The following ADAMTS18 variants were observed in gnomAD, a reference collection of about 807,000 sequenced individuals.
ADAMTS18 encodes the protein ADAM metallopeptidase with thrombospondin type 1 motif 18, also known as A disintegrin and metalloproteinase with thrombospondin motifs 18.
ADAMTS18 carries 157 observed loss-of-function variants against 165.9 expected under a neutral mutation model. The observed-to-expected ratio is 0.95, with a 90% CI of 0.83 to 1.08. The LOEUF is 1.08. Ranked by LOEUF, ADAMTS18 falls within the 50% of genes least tolerant of loss-of-function variation. The probability of loss-of-function intolerance (pLI) is 0.00; values close to 1 mark genes in which losing one functional copy is unlikely to be tolerated. For synonymous variants in ADAMTS18, 782 were observed against 578.2 expected, an observed-to-expected ratio of 1.35 and a Z score of -5.06; for missense variants, 2,040 against 1,534.0, an observed-to-expected ratio of 1.33 and a Z score of -5.51.
At chr16:77,401,674 G>A (rs747563954) in intron 3 of ADAMTS18, among the ~76,000 whole-genome samples, 43 of 152,162 alleles carry the variant, frequency 2.8e-4, no homozygotes, top group Non-Finnish European at 5.4e-4. Context: ...GTCTATGAGG[G>A]CATTTAAGGA....
rs2056529526 is a variant in ADAMTS18 at position 77,349,784 on chromosome 16, T to C, written c.1614+3949A>G. 2.0e-5 allele frequency among the ~76,000 whole-genome samples: 3 copies of C among 152,164 alleles called. No homozygotes were observed. The South Asian group carries it at 6.2e-4, about 32-fold the overall frequency. On this transcript the variant is annotated intron_variant, in intron 10 of 22. Coordinates refer to ENST00000282849, the MANE Select transcript of ADAMTS18 (RefSeq NM_199355.4). Reference sequence around the variant, plus strand: ...CATTTTTCTTGATTGACAGAAGAAATATACACCGATCCTGCTATCCTTCCA... The same window carrying C: ...CATTTTTCTTGATTGACAGAAGAAACATACACCGATCCTGCTATCCTTCCA...
At position 77,320,113 on chromosome 16, in the gene ADAMTS18, C is replaced by T. The variant is rs1483685962; in HGVS notation, c.2288-20G>A. 11 of 1,613,854 alleles carry T rather than the reference C, an allele frequency of 6.8e-6. No homozygotes were observed. Among genetic ancestry groups the T allele is most frequent in the South Asian group, 2.2e-5 (2 of 91,056 alleles). On this transcript the variant is annotated intron_variant, in intron 15 of 22. Coordinates refer to ENST00000282849, the MANE Select transcript of ADAMTS18 (RefSeq NM_199355.4). ...AATATTCTAAATGGAAAGAAGAGAA[C>T]ATGTCTGAATTCCACCCCATGCATT...
At chr16:77,412,400 C>T (rs1008186991) in intron 3 of ADAMTS18, among the ~76,000 whole-genome samples, 14 of 152,188 alleles carry the variant, frequency 9.2e-5, no homozygotes, top group African/African-American at 2.2e-4. Context: ...ATCATACTCA[C>T]GGCAGCCTGC....
chr16:77,350,163 G>C (rs1273730650), intron 10 of ADAMTS18, among the ~76,000 whole-genome samples: 1 of 152,166 alleles, frequency 6.6e-6, no homozygotes, highest in Admixed American at 6.5e-5. Context: ...TTGTTACAGA[G>C]GGAATCCTGC....
At position 77,367,486 on chromosome 16, in the gene ADAMTS18, G is replaced by A. The variant is rs1035773968; in HGVS notation, c.733C>T (p.His245Tyr). The A allele has an allele frequency of 1.2e-6, 2 of 1,614,186 alleles. No individual in the cohort carries two copies. Among genetic ancestry groups the A allele is most frequent in the African/African-American group, 2.7e-5 (2 of 75,058 alleles). Reference protein sequence around the residue: ...ASQSRETEYHHRRLQKQHFCG... With the variant: ...ASQSRETEYHYRRLQKQHFCG... ...AAATGCTGCTTTTGCAACCTTCGAT[G>A]GTGATACTCTGTCTCTCGACTCTGA... The change falls in exon 4 of 23, where the codon CAT becomes TAT. Residue 245 changes from histidine to tyrosine, a missense_variant. By Grantham distance (83) the His-to-Tyr change is moderately conservative (BLOSUM62 2). Transcript: ENST00000282849.
At chr16:77,299,336 G>A (rs919222351) in intron 17 of ADAMTS18, among the ~76,000 whole-genome samples, 1 of 152,092 alleles carries the variant, frequency 6.6e-6, no homozygotes, top group South Asian at 2.1e-4. Context: ...TTTTAAAATG[G>A]GTATTACTAG....
chr16:77,291,956 A>C (rs949823210), intron 20 of ADAMTS18, among the ~76,000 whole-genome samples: 1 of 152,162 alleles, frequency 6.6e-6, no homozygotes, highest in Non-Finnish European at 1.5e-5. Flanking sequence ...AAATATACCC[A>C]ACCTCTCACA....
chr16:77,310,100 A>T (rs2055752668), intron 16 of ADAMTS18, among the ~76,000 whole-genome samples: 1 of 152,230 alleles, frequency 6.6e-6, no homozygotes, highest in South Asian at 2.1e-4. Flanking sequence ...AAATGGGGCA[A>T]GGACAGGCTG....
intron 3 of ADAMTS18, among the ~76,000 whole-genome samples, chr16:77,382,878 C>G (rs967113067): frequency 5.9e-5 from 9 of 152,172 alleles, no homozygotes; most frequent in African/African-American, 9.7e-5. Flanking sequence ...CCTCTTCACA[C>G]GTCAGCATCC....
At chr16:77,414,785 G>C (rs1245690870) in intron 3 of ADAMTS18, among the ~76,000 whole-genome samples, 2 of 152,162 alleles carry the variant, frequency 1.3e-5, no homozygotes, top group Non-Finnish European at 1.5e-5. Context: ...TTGAGCAATG[G>C]TAATCCATCA....
chr16:77,316,722 T>G (rs1298544719), intron 16 of ADAMTS18, among the ~76,000 whole-genome samples: 1 of 152,302 alleles, frequency 6.6e-6, no homozygotes, highest in East Asian at 1.9e-4. Flanking sequence ...CAGGCTGGAG[T>G]GCAGTGGTGC....
chr16:77,422,474 C>A (rs2057615833), intron 3 of ADAMTS18, among the ~76,000 whole-genome samples: 1 of 147,936 alleles, frequency 6.8e-6, no homozygotes, highest in Non-Finnish European at 1.5e-5. Context: ...GAAAGCTAGC[C>A]AATCCTAGTA....
intron 16 of ADAMTS18, among the ~76,000 whole-genome samples, chr16:77,318,308 T>C (rs1028692234): frequency 6.6e-6 from 1 of 152,168 alleles, no homozygotes; most frequent in Non-Finnish European, 1.5e-5. Flanking sequence ...GAGGCAACCA[T>C]TTCACAATGA....
intron 3 of ADAMTS18, among the ~76,000 whole-genome samples, chr16:77,426,683 C>G (rs2057677033): frequency 6.6e-6 from 1 of 152,176 alleles, no homozygotes; most frequent in Non-Finnish European, 1.5e-5. Context: ...ATCTACCATG[C>G]TCTCAACAGT....
intron 3 of ADAMTS18, among the ~76,000 whole-genome samples, chr16:77,423,047 C>G (rs969481874): frequency 1.3e-5 from 2 of 152,208 alleles, no homozygotes; most frequent in Admixed American, 1.3e-4. Flanking sequence ...TCCCTAGGCT[C>G]TACCCAGGAC....
intron 15 of ADAMTS18, among the ~76,000 whole-genome samples, chr16:77,320,638 CAA>C (rs35022198): frequency 3.2e-4 from 48 of 149,374 alleles, no homozygotes; most frequent in African/African-American, 3.4e-4. Context: ...GACTCTGTCT[CAA>C]AAAAAAAAAA....
At chr16:77,397,830 A>C (rs1371382152) in intron 3 of ADAMTS18, among the ~76,000 whole-genome samples, 2 of 152,136 alleles carry the variant, frequency 1.3e-5, no homozygotes, top group African/African-American at 4.8e-5. Flanking sequence ...GATCCTGAAA[A>C]ACTGAAGACA....
intron 21 of ADAMTS18, 43 bp downstream of exon 21, chr16:77,291,223 C>T (rs941687248): frequency 6.2e-7 from 1 of 1,607,156 alleles, no homozygotes; most frequent in Non-Finnish European, 8.5e-7. Context: ...CATTTTTCGA[C>T]ATCTCACTTG....
At chr16:77,426,821 G>C (rs114334298) in intron 3 of ADAMTS18, among the ~76,000 whole-genome samples, 2,508 of 152,214 alleles carry the variant, frequency 0.016, 65 homozygotes, top group African/African-American at 0.057. Context: ...CCAGAAATTT[G>C]AGGCCAGCCT....
Sources: allele counts gnomAD v4.1 joint callset (sites outside exome capture counted in the v4.1 genomes callset), GRCh38; gene constraint gnomAD v4.1.1; transcripts MANE v1.5; gene names NCBI Gene and HGNC (gene_info 2026-07-23, HGNC 2026-07-21).